CEP44: variants seen among roughly 807,000 people sequenced by gnomAD.
CEP44 encodes centrosomal protein 44.
In CEP44, 45 loss-of-function variants were observed where a neutral mutation model predicts 46.7. The ratio of observed to expected loss-of-function variants is 0.96; its 90% CI spans 0.76 to 1.24. The LOEUF (loss-of-function observed/expected upper bound fraction) is 1.24, where lower values mean the gene tolerates loss of function less well. Among genes scored for constraint, CEP44 ranks in the 50% most tolerant of loss-of-function variants. The pLI, the probability that CEP44 is intolerant of heterozygous loss-of-function variation, is 0.00. For missense variants in CEP44, 475 were observed against 459.7 expected (o/e 1.03, Z -0.30); for synonymous variants, 142 against 146.0 (o/e 0.97, Z 0.20).
chr4:174,289,452 A>G (rs1397960045), intron 1 of CEP44, among the ~76,000 whole-genome samples: 2 of 151,256 alleles, frequency 1.3e-5, no homozygotes, highest in South Asian at 2.1e-4. Context: ...CAAGCATTCT[A>G]TTTCTTCTTG....
At chr4:174,303,368 G>C (rs1268320178) in intron 4 of CEP44, among the ~76,000 whole-genome samples, 2 of 152,112 alleles carry the variant, frequency 1.3e-5, no homozygotes, top group African/African-American at 4.8e-5. Flanking sequence ...TATAGTTTCT[G>C]ACTCTGGTAT....
At position 174,290,634 on chromosome 4, in the gene CEP44, G is replaced by A. The variant is rs889063666; in HGVS notation, c.-148+6691G>A. On this transcript the variant is annotated intron_variant, in intron 1 of 11. Transcript: ENST00000503780. The surrounding 1 kb of genome is among the most constrained non-coding windows in gnomAD (Gnocchi z 4.3). ...TGACCAGTACATTATAGACAGTGAC[G>A]TATCAAAGTCTCCTTCTGTATTGTA... 1.3e-5 allele frequency among the ~76,000 whole-genome samples: 2 copies of A among 152,018 alleles called. No homozygotes were observed. The highest frequency in any genetic ancestry group is 4.1e-4 in the South Asian group (2 of 4,824).
At position 174,299,082 on chromosome 4, in the gene CEP44, A is replaced by G. The variant is rs374332972; in HGVS notation, c.-40A>G. On this transcript the variant is annotated 5_prime_UTR_variant, in exon 3 of 12. Coordinates refer to ENST00000503780, the MANE Select transcript of CEP44 (RefSeq NM_001040157.3). ...GATTTCTATTTTCAGGTGAAAAATTAGACGATTTCAAGAATTGGAGCTGAA... is the reference window on the plus strand; with the variant it reads ...GATTTCTATTTTCAGGTGAAAAATTGGACGATTTCAAGAATTGGAGCTGAA... 3.9e-6 allele frequency: 6 copies of G among 1,538,926 alleles called. No homozygotes were observed. In the African/African-American group the frequency reaches 6.9e-5, roughly 18 times the overall value.
At chr4:174,321,192 AAGTTCAAGAAATATT>A (rs1328587081), downstream of CEP44, among the ~76,000 whole-genome samples, 1 of 152,200 alleles carries the variant, frequency 6.6e-6, no homozygotes, top group Non-Finnish European at 1.5e-5. Flanking sequence ...TAGGTACTTT[AAGTTCAAGAAATATT>A]AGTTTACATT....
In CEP44 at chr4:174,325,514, G is replaced by A. The variant is rs962698319; in HGVS notation, c.1087-5968G>A. On this transcript the variant is annotated intron_variant, in intron 8 of 8. Transcript: ENST00000426172. The surrounding 1 kb of genome is among the most constrained non-coding windows in gnomAD (Gnocchi z 4.4). The stretch of plus-strand genomic sequence containing the variant: ...ACAAAAATTTTTTTAAATTAGCCAA[G>A]CATAGTGGTATGCACCTGTAGTCCT... Among the ~76,000 whole-genome samples, 1 of 151,938 alleles carries A rather than the reference G, an allele frequency of 6.6e-6. No individual in the cohort carries two copies. Among genetic ancestry groups the A allele is most frequent in the Non-Finnish European group, 1.5e-5 (1 of 68,002 alleles).
rs1391466318 is a variant in CEP44, at chr4:174,326,504, T to G, written c.1087-4978T>G. On this transcript the variant is annotated intron_variant, in intron 8 of 8. Coordinates refer to the CEP44 transcript ENST00000426172. The surrounding 1 kb of genome is among the most constrained non-coding windows in gnomAD (Gnocchi z 4.8). ...ATAAACTGCAAAACATTATCATTAC[T>G]TTTGCTATAAGCAATCCATTATCTT... is the stretch of plus-strand genomic sequence containing the variant. 1.3e-5 allele frequency among the ~76,000 whole-genome samples: 2 copies of G among 152,094 alleles called. No homozygotes were observed. Among genetic ancestry groups the G allele is most frequent in the African/African-American group, 2.4e-5 (1 of 41,468 alleles).
Position 174,299,057 on chromosome 4 carries a change from G to T in CEP44, c.-50-15G>T. The T allele has an allele frequency of 7.1e-7, 1 of 1,417,674 alleles. No individual in the cohort carries two copies. The highest frequency in any genetic ancestry group is 9.9e-7 in the Non-Finnish European group (1 of 1,013,024). The allele number at this position is 1,417,674 out of a possible 1,614,324, so 87.8% of individuals were successfully genotyped here. A position where few individuals can be genotyped will look rare whatever the true frequency, so the allele number is the denominator to read the frequency against. ...ACAGAGACTTAACCAGTATTTCATG[G>T]ATTTCTATTTTCAGGTGAAAAATTA... On this transcript the variant is annotated splice_polypyrimidine_tract_variant and intron_variant, in intron 2 of 11. Transcript: ENST00000503780.
chr4:174,294,153 C>T (rs1738560551), intron 1 of CEP44, among the ~76,000 whole-genome samples: 2 of 149,070 alleles, frequency 1.3e-5, no homozygotes, highest in Admixed American at 6.7e-5. Flanking sequence ...AACAAGTGAA[C>T]AAAGGTCTCT....
At chr4:174,302,461 T>C (rs1739840375) in intron 4 of CEP44, among the ~76,000 whole-genome samples, 1 of 152,168 alleles carries the variant, frequency 6.6e-6, no homozygotes, top group South Asian at 2.1e-4. Flanking sequence ...AAATTTGATA[T>C]ACTGGCAGAA....
intron 11 of CEP44, 53 bp from the exon 12 acceptor site, chr4:174,317,282 A>G (rs1579157427): frequency 1.4e-5 from 10 of 727,834 alleles, no homozygotes; most frequent in Non-Finnish European, 2.0e-5. Context: ...CTAAAATGCT[A>G]TGCTTTATTA....
In CEP44 at chr4:174,310,059, A is replaced by G. The variant is rs1271786877; in HGVS notation, c.885+3A>G. On this transcript the variant is annotated splice_donor_region_variant and intron_variant, in intron 8 of 11. Transcript: ENST00000503780. The surrounding 1 kb of genome is among the most constrained non-coding windows in gnomAD (Gnocchi z 4.2). ...CAGAAATGCTTTTGTCTAAAAAGGT[A>G]TTTTCCTCCTTTAACATTTATAAAA... The G allele has an allele frequency of 1.2e-6, 2 of 1,608,064 alleles. No individual in the cohort carries two copies. Among genetic ancestry groups the G allele is most frequent in the African/African-American group, 1.3e-5 (1 of 74,510 alleles).
At position 174,287,881 on chromosome 4, in the gene CEP44, G is replaced by GTTCA. The variant is rs781126402; in HGVS notation, c.-148+3939_-148+3940insTCAT. On this transcript the variant is annotated intron_variant, in intron 1 of 11. Coordinates refer to ENST00000503780, the MANE Select transcript of CEP44 (RefSeq NM_001040157.3). This position sits in a 1 kb window ranked among gnomAD's most constrained non-coding sequence, Gnocchi z 5.1. ...AATACCAGGTATAGACAAGAATGTA[G>GTTCA]TATTTAAAGCTAATATCTGAAATTC... 2.0e-5 allele frequency among the ~76,000 whole-genome samples: 3 copies of GTTCA among 152,214 alleles called. No homozygotes were observed. The highest frequency in any genetic ancestry group is 2.9e-5 in the Non-Finnish European group (2 of 68,042).
chr4:174,319,823 T>G lies in CEP44; in HGVS notation c.*2440T>G. The stretch of plus-strand genomic sequence containing the variant: ...TTGGAAAAATAAAGCAAATTCAACT[T>G]TATTGGAGTTATTGGACAGATCAGC... On this transcript the variant is annotated 3_prime_UTR_variant, in exon 12 of 12. Transcript: ENST00000503780. 1.0e-6 allele frequency: 1 copy of G among 982,862 alleles called. No homozygotes were observed. Among genetic ancestry groups the G allele is most frequent in the Middle Eastern group, 5.2e-4 (1 of 1,910 alleles). 60.9% of individuals were successfully genotyped at this position (982,862 alleles called of 1,614,324 possible). A position where few individuals can be genotyped will look rare whatever the true frequency, so the allele number is the denominator to read the frequency against.
rs1010513712 is a variant in CEP44 at position 174,331,391 on chromosome 4, A to G, written c.1087-91A>G. On this transcript the variant is annotated intron_variant, in intron 8 of 8. Transcript: ENST00000426172. This position sits in a 1 kb window ranked among gnomAD's most constrained non-coding sequence, Gnocchi z 4.5. ...TTATGGAAGAGGAGGAAATATTAAT[A>G]GCACTCTGACACTGCTCTAATTCCT... The G allele has an allele frequency of 3.8e-6, 5 of 1,316,716 alleles. No homozygotes were observed. The African/African-American group carries it at 7.3e-5, about 19-fold the overall frequency. 81.6% of individuals were successfully genotyped at this position (1,316,716 alleles called of 1,614,324 possible). A position where few individuals can be genotyped will look rare whatever the true frequency, so the allele number is the denominator to read the frequency against.
At chr4:174,304,023 T>C (rs927492410) in intron 5 of CEP44, among the ~76,000 whole-genome samples, 174 bp downstream of exon 5, 1 of 152,224 alleles carries the variant, frequency 6.6e-6, no homozygotes. Flanking sequence ...TACTACTCTC[T>C]TGTTTTATAC....
At chr4:174,294,614 G>C (rs1297969504) in intron 1 of CEP44, among the ~76,000 whole-genome samples, 1 of 151,972 alleles carries the variant, frequency 6.6e-6, no homozygotes, top group Non-Finnish European at 1.5e-5. Context: ...TTCCCAGTAG[G>C]GGCGGCCGGG....
intron 1 of CEP44, among the ~76,000 whole-genome samples, chr4:174,296,114 A>G: frequency 6.6e-6 from 1 of 152,218 alleles, no homozygotes; most frequent in East Asian, 1.9e-4. Flanking sequence ...GATTTTGAAG[A>G]TAATGTTTCT....
At position 174,314,530 on chromosome 4, in the gene CEP44, C is replaced by G. The variant is rs988442402; in HGVS notation, c.962-1636C>G. The stretch of plus-strand genomic sequence containing the variant: ...CAGCTTTCTCCCACCATGAGGCACA[C>G]TCTTGAATAAGGTTAGACACCGCAA... On this transcript the variant is annotated intron_variant, in intron 9 of 11. Coordinates refer to ENST00000503780, the MANE Select transcript of CEP44 (RefSeq NM_001040157.3). The surrounding 1 kb of genome is among the most constrained non-coding windows in gnomAD (Gnocchi z 4.1). Among the ~76,000 whole-genome samples the G allele has an allele frequency of 6.6e-6, 1 of 152,156 alleles. No individual in the cohort carries two copies. Among genetic ancestry groups the G allele is most frequent in the African/African-American group, 2.4e-5 (1 of 41,440 alleles).
chr4:174,298,170 A>ATTTTTTTTT lies in CEP44; in HGVS notation c.-51+123_-51+131dup, dbSNP rs35951093. On this transcript the variant is annotated intron_variant, in intron 2 of 11. Coordinates refer to ENST00000503780, the MANE Select transcript of CEP44 (RefSeq NM_001040157.3). ...CTTTTTGTCCTGGTGGGTATATATG[A>ATTTTTTTTT]TTTTTTTTTTTTTTTTTTTTTTTGA... 2.3e-4 allele frequency: 19 copies of ATTTTTTTTT among 81,256 alleles called. 2 individuals are homozygous for ATTTTTTTTT. Among genetic ancestry groups the ATTTTTTTTT allele is most frequent in the Non-Finnish European group, 2.7e-4 (12 of 44,882 alleles). 5.0% of individuals were successfully genotyped at this position (81,256 alleles called of 1,614,324 possible).
Sources: gnomAD v4.1 joint callset for allele counts (sites outside exome capture counted in the v4.1 genomes callset) on GRCh38, gnomAD v4.1.1 for gene constraint, Gnocchi (gnomAD v3.1) non-coding constraint, MANE v1.5 for transcripts, NCBI Gene and HGNC (gene_info 2026-07-23, HGNC 2026-07-21) for gene names.